The following DTD1 variants were observed in gnomAD, a reference collection of about 807,000 sequenced individuals.
DTD1 encodes the protein D-tyrosyl-tRNA deacylase 1 homolog.
A neutral mutation model predicts 25.6 loss-of-function variants in DTD1; 13 were observed. The ratio of observed to expected loss-of-function variants is 0.51; its 90% confidence interval spans 0.33 to 0.81. The LOEUF (loss-of-function observed/expected upper bound fraction) is 0.81. DTD1 is among the 30% of genes least tolerant of loss of function. The pLI, the probability that DTD1 is intolerant of heterozygous loss-of-function variation, is 0.02. For missense variants in DTD1, 193 were observed against 266.4 expected (o/e 0.72, Z 1.92); for synonymous variants, 110 against 103.6 (o/e 1.06, Z -0.37).
intron 4 of DTD1, among the ~76,000 whole-genome samples, chr20:18,683,286 T>C (rs1303396322): frequency 6.6e-6 from 1 of 152,222 alleles, no homozygotes; most frequent in Admixed American, 6.5e-5. Context: ...TGAGTTCCTC[T>C]GTTAGCATAT....
intron 5 of DTD1, among the ~76,000 whole-genome samples, chr20:18,760,996 C>T (rs1053704289): frequency 1.3e-5 from 2 of 152,150 alleles, no homozygotes. Context: ...GCTGTGCTAG[C>T]AATGAGCGAG....
At chr20:18,723,102 T>C (rs1181653095) in intron 4 of DTD1, among the ~76,000 whole-genome samples, 1 of 152,216 alleles carries the variant, frequency 6.6e-6, no homozygotes, top group East Asian at 1.9e-4. Context: ...ACTCTTGCCA[T>C]TCTGGGGCAG....
At chr20:18,631,440 C>T (rs2060787329) in intron 4 of DTD1, 16 of 985,784 alleles carry the variant, frequency 1.6e-5, no homozygotes, top group Non-Finnish European at 1.9e-5. Flanking sequence ...AAGCCTCTGT[C>T]CTCTTGTTGG....
At chr20:18,649,217 G>T (rs1024180919) in intron 4 of DTD1, among the ~76,000 whole-genome samples, 1 of 151,416 alleles carries the variant, frequency 6.6e-6, no homozygotes, top group Non-Finnish European at 1.5e-5. Flanking sequence ...GGAGCCATGG[G>T]TCGCCTTGTT....
At chr20:18,761,240 T>C (rs901197793) in intron 5 of DTD1, among the ~76,000 whole-genome samples, 2 of 152,100 alleles carry the variant, frequency 1.3e-5, no homozygotes, top group African/African-American at 4.8e-5. Context: ...CTGCATCCAC[T>C]GTCCAGCAAT....
chr20:18,706,888 A>G (rs751629997), intron 4 of DTD1, among the ~76,000 whole-genome samples: 2 of 152,240 alleles, frequency 1.3e-5, no homozygotes, highest in Non-Finnish European at 2.9e-5. Context: ...GTGCATTTCC[A>G]TATTTTAATT....
At chr20:18,635,870 A>C (rs2060805356) in intron 4 of DTD1, among the ~76,000 whole-genome samples, 1 of 152,178 alleles carries the variant, frequency 6.6e-6, no homozygotes, top group African/African-American at 2.4e-5. Flanking sequence ...AATCCATAGC[A>C]CAGGTTAAGG....
At chr20:18,710,770 C>T (rs552576482) in intron 4 of DTD1, among the ~76,000 whole-genome samples, 3 of 152,248 alleles carry the variant, frequency 2.0e-5, no homozygotes, top group Admixed American at 1.3e-4. Flanking sequence ...TGTAATTGGA[C>T]GGTGACATGC....
intron 4 of DTD1, among the ~76,000 whole-genome samples, chr20:18,742,069 A>G (rs2061280442): frequency 6.6e-6 from 1 of 151,784 alleles, no homozygotes. Flanking sequence ...ATGTAGATCT[A>G]CTGTACAATA....
At chr20:18,606,917 TAAAGTA>T (rs1184880080) in intron 3 of DTD1, among the ~76,000 whole-genome samples, 1 of 149,766 alleles carries the variant, frequency 6.7e-6, no homozygotes, top group Non-Finnish European at 1.5e-5. Flanking sequence ...CCCTAAAACT[TAAAGTA>T]TAATAAAAAA....
At chr20:18,635,554 C>T (rs188949272) in intron 4 of DTD1, among the ~76,000 whole-genome samples, 95 of 149,918 alleles carry the variant, frequency 6.3e-4, no homozygotes, top group Middle Eastern at 3.4e-3. Flanking sequence ...TGACCTCACT[C>T]AGCCCAGCCC....
intron 1 of DTD1, among the ~76,000 whole-genome samples, chr20:18,591,900 A>G (rs935998920): frequency 1.3e-5 from 2 of 152,244 alleles, no homozygotes; most frequent in Non-Finnish European, 2.9e-5. Context: ...TCAAAGGACA[A>G]TAAGTCACAC....
At chr20:18,708,229 ATTTT>A (rs2061136892) in intron 4 of DTD1, among the ~76,000 whole-genome samples, 1 of 4,998 alleles carries the variant, frequency 2.0e-4, no homozygotes, top group African/African-American at 3.9e-4. Context: ...ATATATATAT[ATTTT>A]ATATATATAT....
intron 4 of DTD1, among the ~76,000 whole-genome samples, chr20:18,654,948 A>G (rs921446691): frequency 1.3e-5 from 2 of 152,260 alleles, no homozygotes; most frequent in Admixed American, 1.3e-4. Flanking sequence ...AAGTGAGATT[A>G]CATTATTTTA....
chr20:18,711,712 T>G (rs753404493), intron 4 of DTD1, among the ~76,000 whole-genome samples: 1 of 152,148 alleles, frequency 6.6e-6, no homozygotes, highest in Non-Finnish European at 1.5e-5. Flanking sequence ...TTGAAGTCCT[T>G]CCTGCTTCAT....
chr20:18,644,992 TA>T (rs930631371), intron 4 of DTD1, among the ~76,000 whole-genome samples: 7 of 151,566 alleles, frequency 4.6e-5, no homozygotes, highest in Non-Finnish European at 1.0e-4. Context: ...CAAATAATAA[TA>T]AAAAAAAATT....
chr20:18,633,516 A>G (rs1251903753), intron 4 of DTD1, among the ~76,000 whole-genome samples: 2 of 152,136 alleles, frequency 1.3e-5, no homozygotes, highest in Non-Finnish European at 1.5e-5. Flanking sequence ...TGCCCTGTCC[A>G]GGGAGGTGTG....
rs774083288 is a variant in DTD1, at chr20:18,642,919, C to CTTTTCTT, written c.477+14690_477+14691insCTTTTTT. The CTTTTCTT allele has an allele frequency of 5.3e-5, 8 of 149,968 alleles. No homozygotes were observed. The South Asian group carries it at 1.0e-3, about 19-fold the overall frequency. 9.3% of individuals were successfully genotyped at this position (149,968 alleles called of 1,614,324 possible). A position where few individuals can be genotyped will look rare whatever the true frequency, so the allele number is the denominator to read the frequency against. On this transcript the variant is annotated intron_variant, in intron 4 of 5. Coordinates refer to ENST00000377452, the MANE Select transcript of DTD1 (RefSeq NM_080820.6). ...CCAATTTCTTTCTTTCTTTTCTTTT[C>CTTTTCTT]TTTTATTTTTTTTGAGACAGAGTTT...
intron 4 of DTD1, among the ~76,000 whole-genome samples, chr20:18,692,994 G>A (rs1343987537): frequency 6.1e-5 from 9 of 148,572 alleles, no homozygotes; most frequent in East Asian, 4.1e-4. Context: ...GGGTTCAAGC[G>A]ATTCTCCTGC....
Sources: allele counts gnomAD v4.1 joint callset (sites outside exome capture counted in the v4.1 genomes callset), GRCh38; gene constraint gnomAD v4.1.1; transcripts MANE v1.5; gene names NCBI Gene and HGNC (gene_info 2026-07-23, HGNC 2026-07-21).